Variants in UGT1A6 observed in about 807,000 individuals in gnomAD.
UGT1A6 encodes UDP glucuronosyltransferase family 1 member A6.
In UGT1A6, 32 loss-of-function variants were observed where a neutral mutation model predicts 44.4. The ratio of observed to expected loss-of-function variants is 0.72; its 90% CI spans 0.54 to 0.97. The LOEUF is 0.97. Ranked by LOEUF, UGT1A6 falls within the 50% of genes least tolerant of loss-of-function variation. The pLI, the probability that UGT1A6 is intolerant of heterozygous loss-of-function variation, is 0.00. For synonymous variants in UGT1A6, 238 were observed against 248.5 expected, an observed-to-expected ratio of 0.96 and a Z score of 0.40; for missense variants, 685 against 661.9, an observed-to-expected ratio of 1.03 and a Z score of -0.38.
chr2:233,743,757 C>T, intron 1 of UGT1A6: 2 of 1,367,374 alleles, frequency 1.5e-6, no homozygotes, highest in Non-Finnish European at 2.0e-6. Flanking sequence ...GACAACACCT[C>T]GTAGGCCTCG....
At chr2:233,717,961 C>T (rs1265478221) in intron 1 of UGT1A6, 1 of 449,854 alleles carries the variant, frequency 2.2e-6, no homozygotes, top group Non-Finnish European at 4.5e-6. Context: ...AAGACTGGAG[C>T]CTTTGGCATT....
At chr2:233,755,133 A>C (rs576279774) in intron 1 of UGT1A6, 1 of 1,319,072 alleles carries the variant, frequency 7.6e-7, no homozygotes, top group Admixed American at 1.9e-5. Flanking sequence ...CACCTGCTTG[A>C]ATCTTCTCAC....
intron 1 of UGT1A6, among the ~76,000 whole-genome samples, chr2:233,764,416 C>T (rs559795881): frequency 6.6e-6 from 1 of 152,154 alleles, no homozygotes; most frequent in South Asian, 2.1e-4. Flanking sequence ...GTTTGCCCTG[C>T]GTGAATCTCC....
intron 1 of UGT1A6, among the ~76,000 whole-genome samples, chr2:233,723,275 T>C (rs4663332): frequency 0.33 from 30,050 of 91,182 alleles, 6,430 homozygotes; most frequent in African/African-American, 0.61. Context: ...AATGGCACGA[T>C]GTTGGCTCAC....
Position 233,747,361 on chromosome 2 carries a change from A to T in UGT1A6, c.862-19673A>T, listed in dbSNP as rs1260496106. 17 of 1,603,206 alleles carry T rather than the reference A, an allele frequency of 1.1e-5. No individual in the cohort carries two copies. In the African/African-American group the frequency reaches 1.9e-4, roughly 18 times the overall value. On this transcript the variant is annotated intron_variant, in intron 1 of 4. Coordinates refer to ENST00000305139, the MANE Select transcript of UGT1A6 (RefSeq NM_001072.4). Reference sequence around the variant, plus strand: ...GCTCGCATGCGGGAGGCCGTGCGGGAGCTCCATGCCAGAGGCCACCAGGCG... The same window carrying T: ...GCTCGCATGCGGGAGGCCGTGCGGGTGCTCCATGCCAGAGGCCACCAGGCG...
chr2:233,711,711 G>T (rs2076193469), intron 1 of UGT1A6, among the ~76,000 whole-genome samples: 1 of 152,232 alleles, frequency 6.6e-6, no homozygotes, highest in Admixed American at 6.5e-5. Context: ...CCTAAGGGAA[G>T]CCTCAGCTTC....
intron 1 of UGT1A6, among the ~76,000 whole-genome samples, chr2:233,721,047 T>A (rs1167296961): frequency 6.6e-6 from 1 of 152,100 alleles, no homozygotes; most frequent in Non-Finnish European, 1.5e-5. Flanking sequence ...TTGAGCCCTT[T>A]TTTGTCATAT....
At chr2:233,721,341 A>G (rs1240342005) in intron 1 of UGT1A6, among the ~76,000 whole-genome samples, 4 of 152,142 alleles carry the variant, frequency 2.6e-5, no homozygotes, top group Admixed American at 2.6e-4. Context: ...CACTATGAAT[A>G]TATTCTTTAG....
intron 1 of UGT1A6, among the ~76,000 whole-genome samples, chr2:233,694,844 C>A (rs2075243511): frequency 6.6e-6 from 1 of 152,268 alleles, no homozygotes; most frequent in East Asian, 1.9e-4. Context: ...TGTCAGGATT[C>A]TTTTAATTGG....
Position 233,760,634 on chromosome 2 carries a change from T to TA in UGT1A6, c.862-6394dup, listed in dbSNP as rs748219743. On this transcript the variant is annotated intron_variant, in intron 1 of 4. Coordinates refer to ENST00000305139, the MANE Select transcript of UGT1A6 (RefSeq NM_001072.4). ...CGTGTGATCAAAACATACAAGAAAA[T>TA]AAAAAAGGACTCTGCTATGCTTTTG... 6.2e-6 allele frequency: 10 copies of TA among 1,614,070 alleles called. No homozygotes were observed. In the South Asian group the frequency reaches 8.8e-5, roughly 14 times the overall value.
At chr2:233,771,921 C>T (rs1320163418) in intron 4 of UGT1A6, among the ~76,000 whole-genome samples, 1 of 151,966 alleles carries the variant, frequency 6.6e-6, no homozygotes, top group East Asian at 1.9e-4. Context: ...AGTAACACAG[C>T]CTGGGCAACA....
intron 1 of UGT1A6, among the ~76,000 whole-genome samples, chr2:233,719,880 G>C (rs28898611): frequency 0.021 from 3,198 of 152,256 alleles, 101 homozygotes; most frequent in African/African-American, 0.073. Context: ...GAAGAGGCAC[G>C]GATGAGGGTC....
rs1377553031 is a variant in UGT1A6 at position 233,755,239 on chromosome 2, G to C, written c.862-11795G>C. 12 of 885,954 alleles carry C rather than the reference G, an allele frequency of 1.4e-5. No individual in the cohort carries two copies. The South Asian group carries it at 1.5e-4, about 11-fold the overall frequency. The allele number at this position is 885,954 out of a possible 1,614,324, so 54.9% of individuals were successfully genotyped here. A position where few individuals can be genotyped will look rare whatever the true frequency, so the allele number is the denominator to read the frequency against. On this transcript the variant is annotated intron_variant, in intron 1 of 4. Transcript: ENST00000305139. ...ATACCCTCGGACGAGGCCTACCGGG[G>C]TACTCCCAGCACCTCGTAGTAGTCC...
intron 1 of UGT1A6, among the ~76,000 whole-genome samples, chr2:233,716,243 G>A (rs1481828829): frequency 2.0e-5 from 3 of 152,006 alleles, no homozygotes; most frequent in African/African-American, 4.8e-5. Flanking sequence ...TGTCCTGCCC[G>A]GACATCCAGC....
chr2:233,743,642 C>T (rs756255073), intron 1 of UGT1A6: 3 of 1,367,306 alleles, frequency 2.2e-6, no homozygotes, highest in South Asian at 1.1e-5. Flanking sequence ...GTCGCGGAAG[C>T]TGAAGACGTA....
rs150219224 is a variant in UGT1A6 at position 233,717,206 on chromosome 2, C to T, written c.861+23341C>T. ...CCCTCCCAGGCATGTTCCACCCTCA[C>T]CCCGGGCTCATCAGGAGGGTTCTTA... On this transcript the variant is annotated intron_variant, in intron 1 of 4. Transcript: ENST00000305139. 4.2e-3 allele frequency among the ~76,000 whole-genome samples: 642 copies of T among 152,286 alleles called. 13 individuals are homozygous for T. The highest frequency in any genetic ancestry group is 0.038 in the Admixed American group (585 of 15,298).
chr2:233,706,252 G>A (rs2075898145), intron 1 of UGT1A6, among the ~76,000 whole-genome samples: 1 of 152,200 alleles, frequency 6.6e-6, no homozygotes, highest in African/African-American at 2.4e-5. Flanking sequence ...AGAGAACCAG[G>A]GCAGCTGGAT....
chr2:233,739,714 GGACTT>G (rs1004679723), intron 1 of UGT1A6, among the ~76,000 whole-genome samples: 28 of 152,292 alleles, frequency 1.8e-4, no homozygotes, highest in African/African-American at 6.3e-4. Context: ...ATGGGGGAAG[GGACTT>G]GACTTGTCTC....
At chr2:233,697,876 C>T (rs533804115) in intron 1 of UGT1A6, among the ~76,000 whole-genome samples, 2 of 152,156 alleles carry the variant, frequency 1.3e-5, no homozygotes, top group South Asian at 4.1e-4. Flanking sequence ...TTAATGATTT[C>T]TTACCATTGA....
Sources: gnomAD v4.1 joint callset for allele counts (sites outside exome capture counted in the v4.1 genomes callset) on GRCh38, gnomAD v4.1.1 for gene constraint, MANE v1.5 for transcripts, NCBI Gene and HGNC (gene_info 2026-07-23, HGNC 2026-07-21) for gene names.